TTLL9: variants seen among roughly 807,000 people sequenced by gnomAD.
The protein encoded by TTLL9 is tubulin tyrosine ligase like 9.
A neutral mutation model predicts 65.6 loss-of-function variants in TTLL9; 47 were observed. The ratio of observed to expected loss-of-function variants is 0.72; its 90% CI spans 0.57 to 0.91. The LOEUF (loss-of-function observed/expected upper bound fraction) is 0.91, where lower values mean the gene tolerates loss of function less well. TTLL9 is among the 40% of genes least tolerant of loss of function. The pLI, the probability that TTLL9 is intolerant of heterozygous loss-of-function variation, is 0.00. For synonymous variants in TTLL9, 179 were observed against 204.8 expected (o/e 0.87, Z 1.07); for missense variants, 537 against 568.8 (o/e 0.94, Z 0.57).
At position 31,877,263 on chromosome 20, in the gene TTLL9, C is replaced by G. The variant is rs904050520; in HGVS notation, c.69+6068C>G. Among the ~76,000 whole-genome samples the G allele has an allele frequency of 6.6e-5, 10 of 152,160 alleles. No individual in the cohort carries two copies. In the South Asian group the frequency reaches 8.3e-4, roughly 13 times the overall value. On this transcript the variant is annotated intron_variant, in intron 2 of 14. Coordinates refer to ENST00000535842, the MANE Select transcript of TTLL9 (RefSeq NM_001008409.5). ...AAGTGATTCTCCTGCCTCAGCCTCC[C>G]GAGTAACTGGGATTACAGGCATGTG...
At chr20:31,898,673 A>C in intron 4 of TTLL9, 108 bp downstream of exon 4, 1 of 869,860 alleles carries the variant, frequency 1.1e-6, no homozygotes, top group Non-Finnish European at 1.8e-6. Context: ...ACTTGTCCCA[A>C]AGTGGCTGTG....
chr20:31,933,979 C>T (rs557216294), intron 11 of TTLL9, 121 bp downstream of exon 11: 1 of 1,014,686 alleles, frequency 9.9e-7, no homozygotes, highest in African/African-American at 1.6e-5. Context: ...ACCAGTGAGG[C>T]AGGCCTACCC....
intron 3 of TTLL9, among the ~76,000 whole-genome samples, chr20:31,888,357 A>G (rs984042474): frequency 6.6e-6 from 1 of 152,236 alleles, no homozygotes; most frequent in Non-Finnish European, 1.5e-5. Flanking sequence ...CAATTCAGCA[A>G]TGTTCTGAAT....
chr20:31,938,621 T>C (rs1399752437), intron 13 of TTLL9, among the ~76,000 whole-genome samples: 1 of 152,168 alleles, frequency 6.6e-6, no homozygotes, highest in Non-Finnish European at 1.5e-5. Flanking sequence ...CTCACGCCTG[T>C]AATCCCAGCA....
At chr20:31,920,183 G>GTAAT (rs1436365695) in intron 7 of TTLL9, among the ~76,000 whole-genome samples, 1 of 152,200 alleles carries the variant, frequency 6.6e-6, no homozygotes, top group East Asian at 1.9e-4. Flanking sequence ...AATGGGGATG[G>GTAAT]TAATTATACC....
chr20:31,935,207 C>T (rs2064090099), intron 12 of TTLL9, among the ~76,000 whole-genome samples: 1 of 152,162 alleles, frequency 6.6e-6, no homozygotes, highest in African/African-American at 2.4e-5. Flanking sequence ...AACTTCCCCT[C>T]TGTAAGTCTT....
At chr20:31,892,394 C>G (rs945885452) in intron 3 of TTLL9, among the ~76,000 whole-genome samples, 5 of 151,514 alleles carry the variant, frequency 3.3e-5, no homozygotes, top group African/African-American at 1.2e-4. Flanking sequence ...GGTCTGGAAC[C>G]CCTGACCTCA....
chr20:31,898,982 C>T (rs1000114797), intron 4 of TTLL9, among the ~76,000 whole-genome samples: 1 of 152,200 alleles, frequency 6.6e-6, no homozygotes, highest in Non-Finnish European at 1.5e-5. Flanking sequence ...GTGACTTTGG[C>T]CTGTAAGCCT....
chr20:31,880,178 AG>A (rs1266053936), intron 2 of TTLL9, among the ~76,000 whole-genome samples: 1 of 152,178 alleles, frequency 6.6e-6, no homozygotes, highest in Non-Finnish European at 1.5e-5. Context: ...TTTACACAAC[AG>A]TGGGACTCTA....
chr20:31,934,963 C>A, intron 12 of TTLL9, 75 bp downstream of exon 12: 1 of 1,366,242 alleles, frequency 7.3e-7, no homozygotes, highest in Non-Finnish European at 1.0e-6. Context: ...GTTTGAATCC[C>A]AGCTCTGCCA....
chr20:31,881,004 T>G (rs573120733), intron 2 of TTLL9, among the ~76,000 whole-genome samples: 1 of 152,152 alleles, frequency 6.6e-6, no homozygotes, highest in African/African-American at 2.4e-5. Flanking sequence ...TGTGCCACCA[T>G]GCTCAGCTAA....
At chr20:31,910,012 G>A (rs2063623789) in intron 6 of TTLL9, 90 bp downstream of exon 6, 1 of 1,303,652 alleles carries the variant, frequency 7.7e-7, no homozygotes, top group African/African-American at 1.5e-5. Context: ...TGGGAATTCA[G>A]CCTTAGATGC....
At chr20:31,889,427 ATTT>A (rs542012541) in intron 3 of TTLL9, among the ~76,000 whole-genome samples, 1 of 138,300 alleles carries the variant, frequency 7.2e-6, no homozygotes. Context: ...CACCTGGCTA[ATTT>A]TTTTTTTTTT....
At chr20:31,878,653 T>C (rs183714164) in intron 2 of TTLL9, among the ~76,000 whole-genome samples, 1 of 152,284 alleles carries the variant, frequency 6.6e-6, no homozygotes, top group African/African-American at 2.4e-5. Context: ...CTCCCTGAAT[T>C]CCTTCCCCAT....
At chr20:31,896,782 A>C (rs1600549663) in intron 3 of TTLL9, among the ~76,000 whole-genome samples, 1 of 152,172 alleles carries the variant, frequency 6.6e-6, no homozygotes, top group East Asian at 1.9e-4. Context: ...TGCCTGTCTC[A>C]GCCTCCCAAA....
chr20:31,925,187 A>T, intron 9 of TTLL9, 138 bp downstream of exon 9: 3 of 865,862 alleles, frequency 3.5e-6, no homozygotes, highest in Non-Finnish European at 3.6e-6. Flanking sequence ...CCCGAGGGAC[A>T]TCTAGGGATA....
chr20:31,930,246 T>C (rs918117955), intron 10 of TTLL9, among the ~76,000 whole-genome samples: 20 of 152,092 alleles, frequency 1.3e-4, no homozygotes, highest in African/African-American at 4.8e-4. Context: ...CGACTGGGCA[T>C]GTCTAGGTGA....
intron 4 of TTLL9, among the ~76,000 whole-genome samples, chr20:31,908,285 C>T (rs377084189): frequency 4.5e-4 from 69 of 152,262 alleles, no homozygotes; most frequent in African/African-American, 1.4e-3. Flanking sequence ...TTGAGGAGGG[C>T]GTGCCCTGTC....
intron 6 of TTLL9, among the ~76,000 whole-genome samples, chr20:31,915,326 C>A (rs1389985596): frequency 2.0e-5 from 3 of 151,968 alleles, no homozygotes; most frequent in African/African-American, 7.3e-5. Flanking sequence ...CTAAAAATAA[C>A]AAAAAATTGG....
Sources: gnomAD v4.1 joint callset for allele counts (sites outside exome capture counted in the v4.1 genomes callset) on GRCh38, gnomAD v4.1.1 for gene constraint, MANE v1.5 for transcripts, NCBI Gene and HGNC (gene_info 2026-07-23, HGNC 2026-07-21) for gene names.